TSEN2: variants seen among roughly 807,000 people sequenced by gnomAD.
The protein encoded by TSEN2 is tRNA splicing endonuclease subunit 2.
Under a neutral mutation model 59.2 loss-of-function variants are expected in TSEN2, and 54 were observed. That is an observed-to-expected ratio of 0.91 (90% CI 0.73 to 1.14). The LOEUF (loss-of-function observed/expected upper bound fraction) is 1.14, where lower values mean the gene tolerates loss of function less well. Ranked by LOEUF, TSEN2 falls within the 50% of genes most tolerant of loss-of-function variation. The pLI is 0.00. For missense variants in TSEN2, 636 were observed against 576.2 expected (o/e 1.10, Z -1.06); for synonymous variants, 195 against 198.2 (o/e 0.98, Z 0.14).
intron 8 of TSEN2, among the ~76,000 whole-genome samples, chr3:12,520,261 G>T (rs1238360923): frequency 6.6e-6 from 1 of 152,100 alleles, no homozygotes; most frequent in Non-Finnish European, 1.5e-5. Flanking sequence ...GCTTCCCAAA[G>T]TGCTGGGATT....
chr3:12,508,170 G>T (rs988281718), intron 6 of TSEN2, among the ~76,000 whole-genome samples: 15 of 152,202 alleles, frequency 9.9e-5, no homozygotes, highest in African/African-American at 3.6e-4. Context: ...CAGATGCTGG[G>T]AGTTCAGCTG....
At chr3:12,484,168 G>A (rs1022527278), upstream of TSEN2, among the ~76,000 whole-genome samples, 2 of 152,204 alleles carry the variant, frequency 1.3e-5, no homozygotes, top group Non-Finnish European at 2.9e-5. Context: ...CCCATCCACC[G>A]AGGGCCGAAG....
At chr3:12,523,407 C>G (rs1468906992) in intron 8 of TSEN2, among the ~76,000 whole-genome samples, 2 of 152,016 alleles carry the variant, frequency 1.3e-5, no homozygotes, top group Non-Finnish European at 2.9e-5. Context: ...AAACCATGAC[C>G]TGTTGTGACG....
intron 6 of TSEN2, 133 bp downstream of exon 6, chr3:12,505,364 T>C: frequency 4.3e-6 from 3 of 700,532 alleles, no homozygotes; most frequent in Non-Finnish European, 7.9e-6. Flanking sequence ...TTGAAATCAC[T>C]ATGGGTAGCT....
At chr3:12,482,077 G>A (rs1393705988), upstream of TSEN2, among the ~76,000 whole-genome samples, 7 of 152,152 alleles carry the variant, frequency 4.6e-5, no homozygotes, top group East Asian at 1.2e-3. Flanking sequence ...TGTGTATATC[G>A]AGAATGCAAA....
intron 3 of TSEN2, among the ~76,000 whole-genome samples, chr3:12,493,929 G>T (rs967599971): frequency 6.6e-6 from 1 of 152,116 alleles, no homozygotes; most frequent in Non-Finnish European, 1.5e-5. Flanking sequence ...TTTCCCTGGT[G>T]TTTTCTTTTA....
intron 8 of TSEN2, among the ~76,000 whole-genome samples, chr3:12,521,113 C>T (rs781632778): frequency 1.3e-5 from 2 of 152,212 alleles, no homozygotes; most frequent in African/African-American, 2.4e-5. Flanking sequence ...ACAAAAGACA[C>T]GATCTTGTCC....
intron 6 of TSEN2, among the ~76,000 whole-genome samples, chr3:12,507,722 T>C (rs1266502095): frequency 6.6e-6 from 1 of 152,288 alleles, no homozygotes; most frequent in Non-Finnish European, 1.5e-5. Flanking sequence ...GTGATAAGCA[T>C]AGTGTGGCAT....
At chr3:12,530,537 G>T (rs760436126) in intron 10 of TSEN2, 40 of 985,368 alleles carry the variant, frequency 4.1e-5, no homozygotes, top group Non-Finnish European at 4.6e-5. Context: ...TCATTACTCA[G>T]TGATTTGCTG....
intron 3 of TSEN2, among the ~76,000 whole-genome samples, chr3:12,495,390 TA>T (rs1403272015): frequency 6.6e-6 from 1 of 152,066 alleles, no homozygotes; most frequent in African/African-American, 2.4e-5. Context: ...CCATCGCAGC[TA>T]GCTAATTTTT....
chr3:12,503,704 AGAGGGCCTGACCAT>A lies in TSEN2; in HGVS notation c.755_768del (p.Gly252ValfsTer20). The A allele has an allele frequency of 6.2e-7, 1 of 1,613,736 alleles. No individual in the cohort carries two copies. The highest frequency in any genetic ancestry group is 8.5e-7 in the Non-Finnish European group (1 of 1,179,778). On this transcript the variant is annotated frameshift_variant, in exon 5 of 12. Transcript: ENST00000284995. LOFTEE classifies it high-confidence loss of function. The stretch of plus-strand genomic sequence containing the variant: ...CATCGGCCTCCTGCATCCTGGGGAC[AGAGGGCCTGACCAT>A]GAGTACGTGCTGGTCGAGGAAGCGG...
chr3:12,481,007 C>T (rs1190973141), upstream of TSEN2, among the ~76,000 whole-genome samples: 6 of 152,248 alleles, frequency 3.9e-5, no homozygotes, highest in East Asian at 1.2e-3. Context: ...ATCTCACAGC[C>T]CTGTTATGAG....
chr3:12,530,615 G>T, intron 10 of TSEN2: 1 of 985,498 alleles, frequency 1.0e-6, no homozygotes, highest in Non-Finnish European at 1.2e-6. Context: ...TGGGGCTGAG[G>T]CCAGAGGGTC....
chr3:12,513,557 G>A (rs947919480), intron 6 of TSEN2, among the ~76,000 whole-genome samples: 4 of 152,182 alleles, frequency 2.6e-5, no homozygotes, highest in Non-Finnish European at 2.9e-5. Context: ...ATGAGGCATG[G>A]AGAATTTAAG....
intron 4 of TSEN2, among the ~76,000 whole-genome samples, chr3:12,497,972 A>G (rs1443793859): frequency 1.3e-5 from 2 of 151,538 alleles, no homozygotes; most frequent in Non-Finnish European, 2.9e-5. Flanking sequence ...ACCCCTTGGC[A>G]TTCCTTGGCT....
At chr3:12,496,620 T>C in intron 4 of TSEN2, 66 bp downstream of exon 4, 1 of 1,539,768 alleles carries the variant, frequency 6.5e-7, no homozygotes, top group East Asian at 2.2e-5. Context: ...TTAGGTAGTC[T>C]TGTCCCATGT....
chr3:12,512,958 T>G (rs1261328544), intron 6 of TSEN2, among the ~76,000 whole-genome samples: 1 of 152,234 alleles, frequency 6.6e-6, no homozygotes, highest in Non-Finnish European at 1.5e-5. Flanking sequence ...TCCTTCCATC[T>G]TATTAGTACT....
At chr3:12,516,207 G>T (rs1418832654) in intron 6 of TSEN2, among the ~76,000 whole-genome samples, 1 of 152,060 alleles carries the variant, frequency 6.6e-6, no homozygotes, top group Non-Finnish European at 1.5e-5. Flanking sequence ...GGTGGATCAT[G>T]AGGTCAGGAG....
chr3:12,509,708 C>T (rs1167167531), intron 6 of TSEN2, among the ~76,000 whole-genome samples: 2 of 152,156 alleles, frequency 1.3e-5, no homozygotes, highest in Non-Finnish European at 2.9e-5. Context: ...TAATCCTTTG[C>T]TTGAGGGACT....
Sources: gnomAD v4.1 joint callset for allele counts (sites outside exome capture counted in the v4.1 genomes callset) on GRCh38, gnomAD v4.1.1 for gene constraint, MANE v1.5 for transcripts, NCBI Gene and HGNC (gene_info 2026-07-23, HGNC 2026-07-21) for gene names.